IL17RB: variants seen among roughly 807,000 people sequenced by gnomAD.
The protein encoded by IL17RB is interleukin-17 receptor B.
IL17RB carries 36 observed loss-of-function variants against 43.9 expected under a neutral mutation model. The observed-to-expected ratio is 0.82, with a 90% CI of 0.63 to 1.08. The LOEUF (loss-of-function observed/expected upper bound fraction) is 1.08. Among genes scored for constraint, IL17RB ranks in the 50% least tolerant of loss-of-function variants. IL17RB has a pLI of 0.00. For synonymous variants in IL17RB, 225 were observed against 225.4 expected (o/e 1.00, Z 0.02); for missense variants, 613 against 613.6 (o/e 1.00, Z 0.01).
chr3:53,848,914 G>A (rs1699034803), intron 2 of IL17RB, among the ~76,000 whole-genome samples: 1 of 152,220 alleles, frequency 6.6e-6, no homozygotes, highest in African/African-American at 2.4e-5. Context: ...AGTCAAGATG[G>A]GACTTGCCAT....
intron 1 of IL17RB, 51 bp from the exon 2 acceptor site, chr3:53,848,613 G>A (rs1479049230): frequency 2.5e-6 from 4 of 1,590,762 alleles, no homozygotes; most frequent in Non-Finnish European, 3.4e-6. Context: ...GCAAAGGAAA[G>A]CTTGTGGTTT....
chr3:53,855,362 C>T (rs1699295807), intron 6 of IL17RB, 21 bp downstream of exon 6: 1 of 1,547,254 alleles, frequency 6.5e-7, no homozygotes, highest in African/African-American at 1.4e-5. Context: ...ACGGCATTTG[C>T]TTTTATTATT....
chr3:53,850,923 T>G (rs1699119759), intron 3 of IL17RB, among the ~76,000 whole-genome samples: 2 of 152,232 alleles, frequency 1.3e-5, no homozygotes, highest in Non-Finnish European at 1.5e-5. Flanking sequence ...ACTGGTTGCA[T>G]GAGTGTCCCG....
chr3:53,856,669 C>A (rs999263883), intron 6 of IL17RB, among the ~76,000 whole-genome samples, 175 bp from the exon 7 acceptor site: 6 of 152,224 alleles, frequency 3.9e-5, no homozygotes, highest in East Asian at 1.9e-4. Context: ...CTGTCTTGGG[C>A]AGCAAGTACT....
intron 6 of IL17RB, 135 bp downstream of exon 6, chr3:53,855,476 G>T: frequency 1.7e-6 from 1 of 597,968 alleles, no homozygotes; most frequent in Non-Finnish European, 3.0e-6. Context: ...GATGGTGGTG[G>T]CAGAAGCACC....
intron 10 of IL17RB, chr3:53,860,488 T>C (rs1330908344): frequency 3.2e-6 from 1 of 312,774 alleles, no homozygotes; most frequent in East Asian, 5.2e-5. Flanking sequence ...CTACCAGTAC[T>C]GAAATGGGCA....
chr3:53,847,613 G>A (rs1192295124), intron 1 of IL17RB, among the ~76,000 whole-genome samples: 2 of 151,948 alleles, frequency 1.3e-5, no homozygotes, highest in Non-Finnish European at 2.9e-5. Context: ...GGCTAACATG[G>A]TGAAACCCCG....
chr3:53,865,585 C>A lies in IL17RB; in HGVS notation c.*277C>A. 1 of 377,582 alleles carries A rather than the reference C, an allele frequency of 2.6e-6. No individual in the cohort carries two copies. Among genetic ancestry groups the A allele is most frequent in the Non-Finnish European group, 4.8e-6 (1 of 208,694 alleles). 23.4% of individuals were successfully genotyped at this position (377,582 alleles called of 1,614,324 possible). On this transcript the variant is annotated 3_prime_UTR_variant, in exon 11 of 11. Transcript: ENST00000288167. ...TTTTGATAATGCAACAATAAAGCATCTTCAGCCAAACATCTAGTCTTCCAT... is the reference window on the plus strand; with the variant it reads ...TTTTGATAATGCAACAATAAAGCATATTCAGCCAAACATCTAGTCTTCCAT...
rs574851861 is a variant in IL17RB, at chr3:53,846,655, C to T, written c.60+7C>T. On this transcript the variant is annotated splice_region_variant and intron_variant, in intron 1 of 10. Transcript: ENST00000288167. The stretch of plus-strand genomic sequence containing the variant: ...CGCCGTACCCCGAGAGCCGGTAAGC[C>T]CCCGCCAGCACCTCTTCCCTCATCT... 10 of 1,589,870 alleles carry T rather than the reference C, an allele frequency of 6.3e-6. No individual in the cohort carries two copies. In the South Asian group the frequency reaches 1.0e-4, roughly 16 times the overall value.
intron 3 of IL17RB, among the ~76,000 whole-genome samples, chr3:53,850,483 G>T (rs1699097362): frequency 7.0e-6 from 1 of 143,480 alleles, no homozygotes; most frequent in African/African-American, 2.6e-5. Flanking sequence ...CTGGGCAACA[G>T]AGTGAAACTC....
At chr3:53,853,235 T>C (rs1193707443) in intron 5 of IL17RB, among the ~76,000 whole-genome samples, 7 of 152,244 alleles carry the variant, frequency 4.6e-5, no homozygotes, top group Admixed American at 6.5e-5. Context: ...GCTGAATACT[T>C]GATATGCATC....
chr3:53,850,615 C>G (rs903942536), intron 3 of IL17RB, among the ~76,000 whole-genome samples: 36 of 151,580 alleles, frequency 2.4e-4, no homozygotes, highest in Non-Finnish European at 5.9e-5. Flanking sequence ...ACCAGCCTGG[C>G]CAACATGGTG....
chr3:53,849,782 A>AC lies in IL17RB; in HGVS notation c.214dup (p.Leu72ProfsTer47), dbSNP rs1559773823. The AC allele has an allele frequency of 6.2e-7, 1 of 1,600,332 alleles. No homozygotes were observed. Among genetic ancestry groups the AC allele is most frequent in the Non-Finnish European group, 8.5e-7 (1 of 1,171,164 alleles). ...CAATTTTGATGAATGTAAGCTGGGT[A>AC]CTCCGGGCAGATGGTAAGTTTGCAT... On this transcript the variant is annotated frameshift_variant, in exon 3 of 11. Transcript: ENST00000288167. LOFTEE classifies it high-confidence loss of function.
intron 5 of IL17RB, 71 bp from the exon 6 acceptor site, chr3:53,855,223 T>A: frequency 1.0e-6 from 1 of 965,626 alleles, no homozygotes; most frequent in Non-Finnish European, 1.7e-6. Flanking sequence ...TATGTGTGTG[T>A]GCACTTGGCA....
At chr3:53,860,028 AAAAT>A in intron 9 of IL17RB, 98 bp from the exon 10 acceptor site, 2 of 830,072 alleles carry the variant, frequency 2.4e-6, no homozygotes, top group Non-Finnish European at 3.8e-6. Flanking sequence ...AAAATAATAA[AAAAT>A]AAATAAACCT....
rs760686982 is a variant in IL17RB, at chr3:53,865,211, A to C, written c.1412A>C (p.Asp471Ala). Reference sequence around the variant, plus strand: ...TGCCCCAAGTACCACCTCATGAAGGATGCCACTGCTTTCTGTGCAGAACTT... The same window carrying C: ...TGCCCCAAGTACCACCTCATGAAGGCTGCCACTGCTTTCTGTGCAGAACTT... ...SVCPKYHLMK[D>A]ATAFCAELLH... The change falls in exon 11 of 11, where the codon GAT becomes GCT. Residue 471 changes from aspartate to alanine, a missense_variant. By Grantham distance (126) the Asp-to-Ala change is moderately radical. Transcript: ENST00000288167. 6.2e-7 allele frequency: 1 copy of C among 1,614,072 alleles called. No individual in the cohort carries two copies. Among genetic ancestry groups the C allele is most frequent in the Non-Finnish European group, 8.5e-7 (1 of 1,180,022 alleles).
rs768080371 is a variant in IL17RB at position 53,858,766 on chromosome 3, AG to A, written c.797del (p.Gly266GlufsTer46). On this transcript the variant is annotated frameshift_variant, in exon 9 of 11. Coordinates refer to ENST00000288167, the MANE Select transcript of IL17RB (RefSeq NM_018725.4). LOFTEE classifies it high-confidence loss of function. ...TCGSDCIRHK[G>X]TVVLCPQTGV... ...GTGGCAGCGACTGCATCCGACATAA[AG>A]GAACAGTTGTGCTCTGCCCACAAAC... 12 of 1,614,090 alleles carry A rather than the reference AG, an allele frequency of 7.4e-6. No individual in the cohort carries two copies. In the African/African-American group the frequency reaches 1.3e-4, roughly 18 times the overall value.
In IL17RB at chr3:53,849,715, G is replaced by A. The variant is rs116821431; in HGVS notation, c.146G>A (p.Arg49Gln). 1,057 of 1,613,216 alleles carry A rather than the reference G, an allele frequency of 6.6e-4. 4 individuals are homozygous for A. The African/African-American group carries it at 7.8e-3, about 12-fold the overall frequency. The change falls in exon 3 of 11, where the codon CGA (arginine) becomes CAA (glutamine). Residue 49 changes from arginine (R) to glutamine (Q), a missense_variant. Physicochemically the swap from Arg to Gln is conservative, Grantham distance 43. Transcript: ENST00000288167. ...ATCCCCGGAGACTTGAGGGACCTCC[G>A]AGTAGAACCTGTTACAACTAGTGTT... ...DLIPGDLRDL[R>Q]VEPVTTSVAT... is the part of the protein sequence containing the mutation.
Position 53,865,107 on chromosome 3 carries a change from C to A in IL17RB, c.1308C>A (p.Ser436Arg). Residue 436 changes from serine (S) to arginine (R), a missense_variant, in exon 11 of 11, where the codon AGC (serine) becomes AGA (arginine). Physicochemically the swap from Ser to Arg is moderately radical, Grantham distance 110 (BLOSUM62 -1). Transcript: ENST00000288167. The stretch of plus-strand genomic sequence containing the variant: ...ACCTTTTCTGCAGTGATCTAAGAAG[C>A]CAGATTCATCTGCACAAATACGTGG... ...AFNLFCSDLR[S>R]QIHLHKYVVV... is the part of the protein sequence containing the mutation. 6.2e-7 allele frequency: 1 copy of A among 1,614,146 alleles called. No individual in the cohort carries two copies. Among genetic ancestry groups the A allele is most frequent in the Non-Finnish European group, 8.5e-7 (1 of 1,179,994 alleles).
Sources: gnomAD v4.1 joint callset for allele counts (sites outside exome capture counted in the v4.1 genomes callset) on GRCh38, gnomAD v4.1.1 for gene constraint, MANE v1.5 for transcripts, NCBI Gene and HGNC (gene_info 2026-07-23, HGNC 2026-07-21) for gene names.